The following CSMD1 variants were observed in gnomAD, a reference collection of about 807,000 sequenced individuals.
The protein encoded by CSMD1 is CUB and sushi domain-containing protein 1.
In CSMD1, 213 loss-of-function variants were observed where a neutral mutation model predicts 417.5. The ratio of observed to expected loss-of-function variants is 0.51; its 90% CI spans 0.46 to 0.57. CSMD1 has a LOEUF of 0.57. Ranked by LOEUF, CSMD1 falls within the 20% of genes least tolerant of loss-of-function variation. The pLI is 0.00. For synonymous variants in CSMD1, 2,862 were observed against 1,736.8 expected (o/e 1.65, Z -16.11); for missense variants, 6,923 against 4,529.7 (o/e 1.53, Z -15.17).
chr8:3,959,999 G>C lies in CSMD1; in HGVS notation c.818+37904C>G, dbSNP rs144414030. ...ACAAAGAGTGTGTTAATCACAGTAT[G>C]TGCGTGAAGCTATTTCAAGCCTTTG... On this transcript the variant is annotated intron_variant, in intron 5 of 69. Transcript: ENST00000635120. 1.9e-3 allele frequency among the ~76,000 whole-genome samples: 291 copies of C among 152,298 alleles called. 2 individuals are homozygous for C. Among genetic ancestry groups the C allele is most frequent in the African/African-American group, 6.6e-3 (273 of 41,570 alleles).
chr8:3,048,464 G>C (rs1349645897), intron 50 of CSMD1, among the ~76,000 whole-genome samples: 12 of 152,118 alleles, frequency 7.9e-5, no homozygotes. Context: ...GAGCAGAAGA[G>C]CAAACACAAC....
At chr8:4,852,931 G>A (rs753776559) in intron 1 of CSMD1, among the ~76,000 whole-genome samples, 1 of 152,142 alleles carries the variant, frequency 6.6e-6, no homozygotes, top group Non-Finnish European at 1.5e-5. Flanking sequence ...GAGGGTACAT[G>A]GCAGAAGGAA....
At chr8:3,205,112 G>T (rs1466630132) in intron 31 of CSMD1, among the ~76,000 whole-genome samples, 1 of 152,296 alleles carries the variant, frequency 6.6e-6, no homozygotes, top group East Asian at 1.9e-4. Context: ...TCTGGTTACT[G>T]AGTTCACTGA....
intron 1 of CSMD1, among the ~76,000 whole-genome samples, chr8:4,703,413 T>G (rs182006015): frequency 1.3e-5 from 2 of 152,328 alleles, no homozygotes; most frequent in East Asian, 3.9e-4. Flanking sequence ...TTCTGTCACC[T>G]GTAATTTCGT....
rs531863154 is a variant in CSMD1, at chr8:3,800,736, T to A, written c.819-46694A>T. On this transcript the variant is annotated intron_variant, in intron 5 of 69. Transcript: ENST00000635120. ...TAAGAACAGTTCTTGAAGGAAAAGA[T>A]TAGTTTTGTTGAGGTAGTTTGTTTT... Among the ~76,000 whole-genome samples, 4 of 152,222 alleles carry A rather than the reference T, an allele frequency of 2.6e-5. No homozygotes were observed. In the South Asian group the frequency reaches 8.3e-4, roughly 32 times the overall value.
intron 3 of CSMD1, among the ~76,000 whole-genome samples, chr8:4,257,084 C>G (rs1484335003): frequency 6.6e-6 from 1 of 152,096 alleles, no homozygotes; most frequent in African/African-American, 2.4e-5. Context: ...CTTCTTAGAA[C>G]TTTTTAATAC....
At chr8:4,159,030 C>G (rs1294744553) in intron 3 of CSMD1, among the ~76,000 whole-genome samples, 1 of 152,176 alleles carries the variant, frequency 6.6e-6, no homozygotes, top group Non-Finnish European at 1.5e-5. Context: ...ATTCTCCTGC[C>G]TCAGCCTCCA....
chr8:3,946,026 A>G (rs2129816865), intron 5 of CSMD1, among the ~76,000 whole-genome samples: 1 of 152,252 alleles, frequency 6.6e-6, no homozygotes, highest in South Asian at 2.1e-4. Flanking sequence ...ATAACATTCT[A>G]CGATGTAGGC....
chr8:3,242,408 T>C (rs1799597513), intron 26 of CSMD1, among the ~76,000 whole-genome samples: 1 of 151,806 alleles, frequency 6.6e-6, no homozygotes, highest in Non-Finnish European at 1.5e-5. Flanking sequence ...TGGGATGAGT[T>C]GCATGGGAAC....
intron 1 of CSMD1, among the ~76,000 whole-genome samples, chr8:4,715,407 C>A (rs534663907): frequency 2.6e-5 from 4 of 152,084 alleles, no homozygotes; most frequent in African/African-American, 4.8e-5. Context: ...AAAACAGATA[C>A]CTTTATTCAT....
At chr8:4,461,671 C>G (rs1799829569) in intron 2 of CSMD1, among the ~76,000 whole-genome samples, 1 of 151,674 alleles carries the variant, frequency 6.6e-6, no homozygotes, top group Non-Finnish European at 1.5e-5. Flanking sequence ...CCACCTCAGC[C>G]TGCTGTATAG....
chr8:4,753,320 A>T (rs1811458920), intron 1 of CSMD1, among the ~76,000 whole-genome samples: 1 of 151,870 alleles, frequency 6.6e-6, no homozygotes, highest in African/African-American at 2.4e-5. Flanking sequence ...AATGACCAGG[A>T]TAAAAGGGGC....
intron 4 of CSMD1, among the ~76,000 whole-genome samples, chr8:4,006,823 A>ATTTTTTTT (rs759780050): frequency 1.8e-4 from 17 of 95,976 alleles, no homozygotes; most frequent in East Asian, 3.2e-4. Flanking sequence ...GACTTTTCCT[A>ATTTTTTTT]TTTTTTTTTT....
intron 7 of CSMD1, among the ~76,000 whole-genome samples, chr8:3,629,848 T>A (rs1796689683): frequency 6.6e-6 from 1 of 152,202 alleles, no homozygotes; most frequent in African/African-American, 2.4e-5. Context: ...GTTTGATGTC[T>A]CCACAAACAA....
chr8:3,842,142 G>C (rs1351773162), intron 5 of CSMD1, among the ~76,000 whole-genome samples: 1 of 152,120 alleles, frequency 6.6e-6, no homozygotes, highest in South Asian at 2.1e-4. Flanking sequence ...TCTTCTCCTT[G>C]TCAAACAACC....
intron 3 of CSMD1, among the ~76,000 whole-genome samples, chr8:4,295,318 TTATG>T: frequency 8.8e-6 from 1 of 113,122 alleles, no homozygotes. Context: ...AATCTTAAGA[TTATG>T]CACATATAAT....
At chr8:3,981,702 T>C (rs771045924) in intron 5 of CSMD1, among the ~76,000 whole-genome samples, 1 of 152,226 alleles carries the variant, frequency 6.6e-6, no homozygotes, top group South Asian at 2.1e-4. Context: ...AGAAAGGCTC[T>C]TTTGTATTTG....
At chr8:3,537,563 C>T (rs1798256335) in intron 10 of CSMD1, among the ~76,000 whole-genome samples, 1 of 152,130 alleles carries the variant, frequency 6.6e-6, no homozygotes, top group African/African-American at 2.4e-5. Flanking sequence ...TTAATATTTG[C>T]ATGTTTGTTT....
At chr8:3,976,228 T>A (rs1263841702) in intron 5 of CSMD1, among the ~76,000 whole-genome samples, 1 of 152,316 alleles carries the variant, frequency 6.6e-6, no homozygotes, top group Non-Finnish European at 1.5e-5. Flanking sequence ...CAAAAATACT[T>A]TAAATACCAT....
Sources: gnomAD v4.1 joint callset for allele counts (sites outside exome capture counted in the v4.1 genomes callset) on GRCh38, gnomAD v4.1.1 for gene constraint, MANE v1.5 for transcripts, NCBI Gene and HGNC (gene_info 2026-07-23, HGNC 2026-07-21) for gene names.